The following PATJ variants were observed in gnomAD, a reference collection of about 807,000 sequenced individuals.
The protein encoded by PATJ is PATJ crumbs cell polarity complex component, also known as inaD-like protein.
PATJ carries 190 observed loss-of-function variants against 224.9 expected under a neutral mutation model. The observed-to-expected ratio is 0.84, with a 90% CI of 0.75 to 0.95. The LOEUF is 0.95. Ranked by LOEUF, PATJ falls within the 40% of genes least tolerant of loss-of-function variation. The pLI, the probability that PATJ is intolerant of heterozygous loss-of-function variation, is 0.00. For missense variants in PATJ, 2,121 were observed against 2,270.3 expected (o/e 0.93, Z 1.34); for synonymous variants, 769 against 820.3 (o/e 0.94, Z 1.07).
chr1:62,150,387 T>C (rs539159864), intron 42 of PATJ, among the ~76,000 whole-genome samples: 54 of 152,142 alleles, frequency 3.5e-4, no homozygotes, highest in African/African-American at 1.3e-3. Flanking sequence ...TCCATAGTTA[T>C]AAAAGATAAC....
At chr1:62,008,720 G>T (rs564196161) in intron 28 of PATJ, among the ~76,000 whole-genome samples, 1 of 152,154 alleles carries the variant, frequency 6.6e-6, no homozygotes, top group African/African-American at 2.4e-5. Context: ...TTGCACTCCA[G>T]CCTGGGCGAC....
intron 27 of PATJ, among the ~76,000 whole-genome samples, chr1:61,931,335 A>G (rs1398944676): frequency 1.3e-5 from 2 of 152,236 alleles, no homozygotes; most frequent in Non-Finnish European, 2.9e-5. Flanking sequence ...AATAGTGATA[A>G]GGACTATGAA....
chr1:62,077,464 G>A (rs1054057531), intron 31 of PATJ, among the ~76,000 whole-genome samples: 4 of 152,054 alleles, frequency 2.6e-5, no homozygotes, highest in African/African-American at 9.7e-5. Flanking sequence ...TGAGGTGGGT[G>A]GATTGCTTGA....
At chr1:62,011,397 TGGAATC>T (rs1057487475) in intron 28 of PATJ, among the ~76,000 whole-genome samples, 1 of 152,142 alleles carries the variant, frequency 6.6e-6, no homozygotes, top group Non-Finnish European at 1.5e-5. Context: ...TGTTGTGTCT[TGGAATC>T]GGAAGGCCTC....
intron 27 of PATJ, among the ~76,000 whole-genome samples, chr1:61,988,882 C>G (rs1166311018): frequency 1.3e-5 from 2 of 152,150 alleles, no homozygotes; most frequent in African/African-American, 2.4e-5. Context: ...AGGTTCCCTC[C>G]TAAGGACAGC....
Position 62,161,327 on chromosome 1 carries a change from ATTTCTTTT to A in PATJ, c.*277_*284del, listed in dbSNP as rs1252032433. On this transcript the variant is annotated 3_prime_UTR_variant, in exon 44 of 44. Transcript: ENST00000642238. ...TTTTGCATTTAATTTCAGTGTTCCG[ATTTCTTTT>A]TTTTTTTTTTTTTTTTTTTTTGAGA... 2.2e-5 allele frequency: 3 copies of A among 133,844 alleles called. No homozygotes were observed. The highest frequency in any genetic ancestry group is 1.1e-4 in the Admixed American group (1 of 8,928). The allele number at this position is 133,844 out of a possible 1,614,324, so 8.3% of individuals were successfully genotyped here. A position where few individuals can be genotyped will look rare whatever the true frequency, so the allele number is the denominator to read the frequency against.
intron 27 of PATJ, among the ~76,000 whole-genome samples, chr1:61,941,014 A>T (rs1677739897): frequency 6.6e-6 from 1 of 151,982 alleles, no homozygotes; most frequent in African/African-American, 2.4e-5. Context: ...CTTACTCTTT[A>T]TTTTCCCTGG....
intron 29 of PATJ, among the ~76,000 whole-genome samples, chr1:62,034,442 CAAAAA>C (rs58542108): frequency 2.0e-5 from 2 of 100,230 alleles, no homozygotes; most frequent in Non-Finnish European, 3.8e-5. Context: ...GACTCTGTCT[CAAAAA>C]AAAAAAAAAA....
intron 43 of PATJ, among the ~76,000 whole-genome samples, chr1:62,154,661 A>G (rs1668991230): frequency 6.6e-6 from 1 of 151,384 alleles, no homozygotes. Context: ...AAAAAAAAAA[A>G]AAGAAAAGAG....
Position 62,075,925 on chromosome 1 carries a change from A to T in PATJ, c.4126-3525A>T, listed in dbSNP as rs1030824151. On this transcript the variant is annotated intron_variant, in intron 31 of 43. Coordinates refer to ENST00000642238, the MANE Select transcript of PATJ (RefSeq NM_001350145.3). ...AGAGCGAGACTCCGTCTCAAAAAAA[A>T]AAAAAAAGAAAAGAAAAACACTGAC... is the stretch of plus-strand genomic sequence containing the variant. Among the ~76,000 whole-genome samples, 8 of 152,088 alleles carry T rather than the reference A, an allele frequency of 5.3e-5. No individual in the cohort carries two copies. In the South Asian group the frequency reaches 1.5e-3, roughly 28 times the overall value.
Position 62,086,147 on chromosome 1 carries a change from T to G in PATJ, c.4377+1499T>G, listed in dbSNP as rs1659939338. On this transcript the variant is annotated intron_variant, in intron 33 of 43. Transcript: ENST00000642238. This position sits in a 1 kb window ranked among gnomAD's most constrained non-coding sequence, Gnocchi z 4.0. Reference sequence around the variant, plus strand: ...TGATTTTTCATTATTCAATACCTTTTGTTTATCACTGCTCAGTAGCGCCAT... The same window carrying G: ...TGATTTTTCATTATTCAATACCTTTGGTTTATCACTGCTCAGTAGCGCCAT... Among the ~76,000 whole-genome samples, 1 of 152,068 alleles carries G rather than the reference T, an allele frequency of 6.6e-6. No homozygotes were observed. The highest frequency in any genetic ancestry group is 1.5e-5 in the Non-Finnish European group (1 of 68,028).
intron 31 of PATJ, among the ~76,000 whole-genome samples, chr1:62,052,512 C>T (rs911223886): frequency 7.3e-5 from 11 of 151,558 alleles, no homozygotes; most frequent in South Asian, 4.2e-4. Flanking sequence ...GAGGCCAAGG[C>T]GGGCAGATCA....
chr1:61,769,370 G>A lies in PATJ; in HGVS notation c.472G>A (p.Gly158Arg), dbSNP rs369268307. 30 of 1,613,864 alleles carry A rather than the reference G, an allele frequency of 1.9e-5. No homozygotes were observed. Among genetic ancestry groups the A allele is most frequent in the South Asian group, 9.9e-5 (9 of 91,072 alleles). ...GGTGGCCCTCAGAAGTCAAAATCTC[G>A]GAAAAGTTGATATCTTCGTGAAGGA... ...SVVALRSQNLGKVDIFVKDVQ... is the reference protein window; with the variant it reads ...SVVALRSQNLRKVDIFVKDVQ... The change falls in exon 5 of 44, where the codon GGA (glycine) becomes AGA (arginine). Residue 158 changes from glycine to arginine, a missense_variant. Physicochemically the swap from Gly to Arg is moderately radical, Grantham distance 125. Transcript: ENST00000642238.
At chr1:61,974,617 C>T (rs1472614980) in intron 27 of PATJ, among the ~76,000 whole-genome samples, 19 of 151,804 alleles carry the variant, frequency 1.3e-4, no homozygotes, top group Admixed American at 1.2e-3. Context: ...AACAAACAAA[C>T]GGGCTTTCTG....
intron 22 of PATJ, among the ~76,000 whole-genome samples, chr1:61,897,695 C>T (rs1014046541): frequency 5.9e-5 from 9 of 152,148 alleles, no homozygotes; most frequent in Non-Finnish European, 1.3e-4. Context: ...CTGATCAGCA[C>T]TGTGGCACAC....
chr1:61,864,199 A>G, intron 19 of PATJ, 39 bp from the exon 20 acceptor site: 1 of 1,535,916 alleles, frequency 6.5e-7, no homozygotes, highest in South Asian at 1.2e-5. Context: ...GCTTCAGGAC[A>G]GGCGTAACTT....
At chr1:61,827,918 A>G (rs1658559419) in intron 16 of PATJ, among the ~76,000 whole-genome samples, 1 of 152,134 alleles carries the variant, frequency 6.6e-6, no homozygotes, top group Non-Finnish European at 1.5e-5. Flanking sequence ...CGAGTGTTGC[A>G]TATCTAATGT....
rs893935668 is a variant in PATJ at position 62,063,183 on chromosome 1, A to G, written c.4125+12125A>G. ...ATCCATCTTGAGTTAACTTTTATGT[A>G]TGGTACTAGAAGGGGATCCAGTTTA... On this transcript the variant is annotated intron_variant, in intron 31 of 43. Coordinates refer to ENST00000642238, the MANE Select transcript of PATJ (RefSeq NM_001350145.3). Among the ~76,000 whole-genome samples, 10 of 152,308 alleles carry G rather than the reference A, an allele frequency of 6.6e-5. 1 individual carries two copies. In the East Asian group the frequency reaches 9.7e-4, roughly 15 times the overall value.
At chr1:61,963,565 C>T (rs1466758505) in intron 27 of PATJ, among the ~76,000 whole-genome samples, 1 of 152,034 alleles carries the variant, frequency 6.6e-6, no homozygotes, top group African/African-American at 2.4e-5. Flanking sequence ...CACTGCACTC[C>T]AGCCTGGGAG....
Sources: gnomAD v4.1 joint callset for allele counts (sites outside exome capture counted in the v4.1 genomes callset) on GRCh38, gnomAD v4.1.1 for gene constraint, Gnocchi (gnomAD v3.1) non-coding constraint, MANE v1.5 for transcripts, NCBI Gene and HGNC (gene_info 2026-07-23, HGNC 2026-07-21) for gene names.